The following GNAO1 variants were observed in gnomAD, a reference collection of about 807,000 sequenced individuals.
GNAO1 encodes the protein guanine nucleotide-binding protein G(o) subunit alpha.
For synonymous variants in GNAO1, 164 were observed against 180.7 expected, an observed-to-expected ratio of 0.91 and a Z score of 0.74; for missense variants, 166 against 478.7, an observed-to-expected ratio of 0.35 and a Z score of 6.10.
intron 3 of GNAO1, among the ~76,000 whole-genome samples, chr16:56,306,335 CAG>C (rs1405739863): frequency 3.9e-5 from 6 of 152,214 alleles, no homozygotes; most frequent in Admixed American, 1.3e-4. Context: ...GCGGAATCTG[CAG>C]AGTTTAGGCA....
chr16:56,245,298 G>T (rs2036732968), intron 2 of GNAO1, among the ~76,000 whole-genome samples: 1 of 152,156 alleles, frequency 6.6e-6, no homozygotes, highest in African/African-American at 2.4e-5. Context: ...GCTAAATTCA[G>T]TTTGTATGGA....
At chr16:56,203,753 G>A (rs1309475941) in intron 2 of GNAO1, among the ~76,000 whole-genome samples, 1 of 152,198 alleles carries the variant, frequency 6.6e-6, no homozygotes, top group Non-Finnish European at 1.5e-5. Context: ...AAAGCACAAG[G>A]CCTTCCAGGA....
At chr16:56,305,488 A>T (rs532624639) in intron 3 of GNAO1, among the ~76,000 whole-genome samples, 1 of 152,182 alleles carries the variant, frequency 6.6e-6, no homozygotes, top group South Asian at 2.1e-4. Context: ...TCTGGCAAAG[A>T]CTCGAGTCCA....
At chr16:56,337,564 G>A (rs1377835931) in intron 6 of GNAO1, among the ~76,000 whole-genome samples, 1 of 152,228 alleles carries the variant, frequency 6.6e-6, no homozygotes, top group Admixed American at 6.5e-5. Flanking sequence ...TCTAGTCCTG[G>A]CTCTGCTACT....
intron 2 of GNAO1, among the ~76,000 whole-genome samples, chr16:56,252,782 A>G (rs536224033): frequency 1.3e-5 from 2 of 152,210 alleles, no homozygotes; most frequent in African/African-American, 4.8e-5. Flanking sequence ...CCCCGGCCCC[A>G]TCCAGCTGTT....
chr16:56,252,034 GC>G (rs1454460407), intron 2 of GNAO1, among the ~76,000 whole-genome samples: 2 of 152,222 alleles, frequency 1.3e-5, no homozygotes. Context: ...GGAGCTATAA[GC>G]AGAAATTATA....
intron 2 of GNAO1, among the ~76,000 whole-genome samples, chr16:56,196,306 A>C (rs1376466026): frequency 1.3e-5 from 2 of 152,154 alleles, no homozygotes; most frequent in East Asian, 3.8e-4. Flanking sequence ...ATGGCATTTT[A>C]AATAATTTTG....
In GNAO1 at chr16:56,191,500, T is replaced by C; in HGVS notation, c.-736T>C. ...CTCCCTGCCTCTCTCTCTCTCCCTC[T>C]CCCTCGAGCTCCCGGCTGGCTGCGG... On this transcript the variant is annotated 5_prime_UTR_variant, in exon 1 of 9. Transcript: ENST00000262493. This position sits in a 1 kb window ranked among gnomAD's most constrained non-coding sequence, Gnocchi z 4.7. 1 of 149,328 alleles carries C rather than the reference T, an allele frequency of 6.7e-6. No homozygotes were observed. Among genetic ancestry groups the C allele is most frequent in the Non-Finnish European group, 1.5e-5 (1 of 67,560 alleles). The allele number at this position is 149,328 out of a possible 1,614,324, so 9.3% of individuals were successfully genotyped here. A position where few individuals can be genotyped will look rare whatever the true frequency, so the allele number is the denominator to read the frequency against.
intron 3 of GNAO1, among the ~76,000 whole-genome samples, chr16:56,291,517 C>G: frequency 6.6e-6 from 1 of 152,212 alleles, no homozygotes. Flanking sequence ...ATTAGATATG[C>G]GATTTGCAAA....
chr16:56,290,917 G>A (rs1202212964), intron 3 of GNAO1, among the ~76,000 whole-genome samples: 1 of 152,154 alleles, frequency 6.6e-6, no homozygotes, highest in African/African-American at 2.4e-5. Context: ...TTTGCATCTT[G>A]CTTCTTTCAC....
intron 3 of GNAO1, among the ~76,000 whole-genome samples, chr16:56,300,068 TGA>T (rs1270763106): frequency 1.4e-5 from 2 of 141,744 alleles, no homozygotes; most frequent in African/African-American, 5.2e-5. Context: ...CATGTGCTTG[TGA>T]GTGTGTCTGT....
intron 5 of GNAO1, among the ~76,000 whole-genome samples, chr16:56,335,251 C>T (rs2037729753): frequency 6.6e-6 from 1 of 152,176 alleles, no homozygotes; most frequent in African/African-American, 2.4e-5. Flanking sequence ...CCTGAGGACC[C>T]AAGTAATCCC....
intron 2 of GNAO1, among the ~76,000 whole-genome samples, chr16:56,195,920 A>G (rs1221428464): frequency 3.9e-5 from 6 of 152,214 alleles, no homozygotes; most frequent in African/African-American, 1.4e-4. Context: ...GTGAAATAAT[A>G]AAGGACCGGC....
intron 6 of GNAO1, among the ~76,000 whole-genome samples, chr16:56,341,279 G>A (rs1333596452): frequency 1.3e-5 from 2 of 152,216 alleles, no homozygotes; most frequent in Non-Finnish European, 1.5e-5. Flanking sequence ...TCTCTGTGAC[G>A]AGACGAGCAA....
At chr16:56,343,694 TG>T in intron 6 of GNAO1, 3 of 1,287,150 alleles carry the variant, frequency 2.3e-6, no homozygotes, top group Non-Finnish European at 3.3e-6. Context: ...CAGGCCAGGC[TG>T]GGGTCGTCCA....
At position 56,357,046 on chromosome 16, in the gene GNAO1, C is replaced by T. The variant is rs1256950076; in HGVS notation, c.*972C>T. 6.7e-6 allele frequency: 1 copy of T among 149,182 alleles called. No homozygotes were observed. Among genetic ancestry groups the T allele is most frequent in the East Asian group, 2.0e-4 (1 of 5,026 alleles). 9.2% of individuals were successfully genotyped at this position (149,182 alleles called of 1,614,324 possible). A position where few individuals can be genotyped will look rare whatever the true frequency, so the allele number is the denominator to read the frequency against. On this transcript the variant is annotated 3_prime_UTR_variant, in exon 9 of 9. Coordinates refer to ENST00000262493, the MANE Select transcript of GNAO1 (RefSeq NM_020988.3). ...AAGAACAAAAAAAAATTTTTAAATACCACAAGATGGAAAAAAAAAACAAAA... is the reference window on the plus strand; with the variant it reads ...AAGAACAAAAAAAAATTTTTAAATATCACAAGATGGAAAAAAAAAACAAAA...
At chr16:56,194,404 T>G (rs1359664095) in intron 2 of GNAO1, 2 of 385,368 alleles carry the variant, frequency 5.2e-6, no homozygotes, top group African/African-American at 4.2e-5. Context: ...TTCAGAAGTC[T>G]GTAATCAGCA....
chr16:56,347,944 C>A, intron 6 of GNAO1: 1 of 956,426 alleles, frequency 1.0e-6, no homozygotes, highest in Non-Finnish European at 1.2e-6. Flanking sequence ...TATCTTCTTC[C>A]TCCCCACGCA....
intron 2 of GNAO1, among the ~76,000 whole-genome samples, chr16:56,240,038 T>C (rs2036678836): frequency 6.6e-6 from 1 of 152,148 alleles, no homozygotes; most frequent in Admixed American, 6.5e-5. Context: ...CAGGAGTTGA[T>C]TGGGTAGGTG....
Sources: allele counts gnomAD v4.1 joint callset (sites outside exome capture counted in the v4.1 genomes callset), GRCh38; gene constraint gnomAD v4.1.1; non-coding constraint Gnocchi (gnomAD v3.1); transcripts MANE v1.5; gene names NCBI Gene and HGNC (gene_info 2026-07-23, HGNC 2026-07-21).